Variants in FAT3 observed in about 807,000 individuals in gnomAD.
FAT3 encodes the protein FAT atypical cadherin 3, also known as protocadherin Fat 3.
A neutral mutation model predicts 310.2 loss-of-function variants in FAT3; 95 were observed. That is an observed-to-expected ratio of 0.31 (90% CI 0.26 to 0.36). The LOEUF is 0.36. Among genes scored for constraint, FAT3 ranks in the 10% least tolerant of loss-of-function variants. The pLI is 1.00. For synonymous variants in FAT3, 2,314 were observed against 2,192.9 expected (o/e 1.06, Z -1.54); for missense variants, 5,408 against 5,715.6 (o/e 0.95, Z 1.74).
intron 3 of FAT3, among the ~76,000 whole-genome samples, chr11:92,693,438 A>T (rs1943851404): frequency 6.6e-6 from 1 of 152,154 alleles, no homozygotes; most frequent in Non-Finnish European, 1.5e-5. Flanking sequence ...GTGGTTGAGG[A>T]GGGAGGTTGC....
In FAT3 at chr11:92,801,506, CA is replaced by C; in HGVS notation, c.8496del (p.Lys2832AsnfsTer5). Reference protein sequence around the residue: ...IIMEGMPVGTKLTQVRAIDMD... With the variant: ...IIMEGMPVGTXLTQVRAIDMD... ...TAATGGAAGGGATGCCTGTTGGCAC[CA>C]AACTCACACAAGTGAGAGCTATTGA... On this transcript the variant is annotated frameshift_variant, in exon 10 of 28. Coordinates refer to ENST00000525166, the MANE Select transcript of FAT3 (RefSeq NM_001367949.2). LOFTEE classifies it high-confidence loss of function. 1 of 1,611,356 alleles carries C rather than the reference CA, an allele frequency of 6.2e-7. No homozygotes were observed. Among genetic ancestry groups the C allele is most frequent in the Non-Finnish European group, 8.5e-7 (1 of 1,178,616 alleles).
chr11:92,340,318 G>A (rs1948214769), intron 1 of FAT3, among the ~76,000 whole-genome samples: 1 of 152,026 alleles, frequency 6.6e-6, no homozygotes, highest in Admixed American at 6.5e-5. Flanking sequence ...GGAGATGTCA[G>A]ACTGGTAAGC....
At chr11:92,639,690 G>C (rs774011006) in intron 3 of FAT3, among the ~76,000 whole-genome samples, 5 of 152,146 alleles carry the variant, frequency 3.3e-5, no homozygotes, top group African/African-American at 1.2e-4. Context: ...TATTTGAGGG[G>C]CCTGCTGGTT....
intron 4 of FAT3, among the ~76,000 whole-genome samples, chr11:92,720,283 A>C (rs886376276): frequency 6.6e-6 from 1 of 152,214 alleles, no homozygotes; most frequent in African/African-American, 2.4e-5. Context: ...AATATCTTTG[A>C]ATCTCTGGGA....
At chr11:92,348,054 A>C (rs181529798) in intron 1 of FAT3, among the ~76,000 whole-genome samples, 6 of 152,284 alleles carry the variant, frequency 3.9e-5, no homozygotes, top group African/African-American at 1.2e-4. Context: ...ATTTTACAAC[A>C]TTCCTAGCTT....
Position 92,550,598 on chromosome 11 carries a change from A to G in FAT3, c.3607+25650A>G, listed in dbSNP as rs140521178. On this transcript the variant is annotated intron_variant, in intron 3 of 27. Transcript: ENST00000525166. Reference sequence around the variant, plus strand: ...TAGCCTCTCTGCAGAGTCCCCTGCTAAGACAGTCATTCACAAACAATAGGT... The same window carrying G: ...TAGCCTCTCTGCAGAGTCCCCTGCTGAGACAGTCATTCACAAACAATAGGT... 7.8e-4 allele frequency among the ~76,000 whole-genome samples: 119 copies of G among 152,184 alleles called. 1 individual carries two copies. Among genetic ancestry groups the G allele is most frequent in the African/African-American group, 2.7e-3 (114 of 41,530 alleles).
chr11:92,806,633 G>A, intron 12 of FAT3, 118 bp downstream of exon 12: 3 of 855,104 alleles, frequency 3.5e-6, no homozygotes, highest in Non-Finnish European at 5.2e-6. Context: ...TAGGGATGGA[G>A]GGAAATTTTC....
intron 1 of FAT3, among the ~76,000 whole-genome samples, chr11:92,351,642 A>T (rs1301672407): frequency 1.3e-5 from 2 of 150,166 alleles, no homozygotes. Flanking sequence ...TCAGTCCTCT[A>T]TTGATAGGCA....
Position 92,524,684 on chromosome 11 carries a change from T to C in FAT3, c.3343T>C (p.Trp1115Arg). 3.7e-6 allele frequency: 6 copies of C among 1,613,914 alleles called. No homozygotes were observed. Among genetic ancestry groups the C allele is most frequent in the Non-Finnish European group, 2.5e-6 (3 of 1,179,834 alleles). ...TGATCGGGAGACAATGGGGTCATAC[T>C]GGCTAACAGTGTATGCCACAGACAG... ...ILDRETMGSY[W>R]LTVYATDRGV... The change falls in exon 3 of 28, where the codon TGG (tryptophan) becomes CGG (arginine). Residue 1115 changes from tryptophan (W) to arginine (R), a missense_variant. Transcript: ENST00000525166.
Position 92,857,274 on chromosome 11 carries a change from A to G in FAT3, c.11426A>G (p.Gln3809Arg). 6.2e-7 allele frequency: 1 copy of G among 1,613,914 alleles called. No individual in the cohort carries two copies. Residue 3809 changes from glutamine to arginine, a missense_variant, in exon 20 of 28, where the codon CAG becomes CGG. Physicochemically the swap from Gln to Arg is conservative, Grantham distance 43. This residue lies in a region of FAT3 where 4,588 missense variants were observed against 4,809.8 expected (regional missense o/e 0.95). Coordinates refer to ENST00000525166, the MANE Select transcript of FAT3 (RefSeq NM_001367949.2). ...CVEKPCPGDM[Q>R]CVSYEASRRP... ...GAGAAGCCGTGTCCAGGGGACATGCAGTGTGTCAGTTATGAAGCCAGCAGG... is the reference window on the plus strand; with the variant it reads ...GAGAAGCCGTGTCCAGGGGACATGCGGTGTGTCAGTTATGAAGCCAGCAGG...
At chr11:92,789,801 G>A in intron 7 of FAT3, 142 bp from the exon 8 acceptor site, 2 of 738,232 alleles carry the variant, frequency 2.7e-6, no homozygotes, top group East Asian at 2.7e-5. Context: ...GTTTTTATTA[G>A]TGAGTTTCCT....
At position 92,697,427 on chromosome 11, in the gene FAT3, G is replaced by T. The variant is rs2135907141; in HGVS notation, c.3651G>T (p.Gln1217His). ...CAAGGAAATTGGATCGAGAACAGCA[G>T]GCAGAACATTTTCTGGAGGTAAGCG... ...TTSRKLDREQ[Q>H]AEHFLEVTVT... The change falls in exon 4 of 28, where the codon CAG becomes CAT. Residue 1217 changes from glutamine (Q) to histidine (H), a missense_variant. Gln to His is a conservative substitution (Grantham distance 24). Around this residue, in one of 5 missense-constraint regions of FAT3, gnomAD observed 4,588 missense variants for 4,809.8 expected, o/e 0.95. Coordinates refer to ENST00000525166, the MANE Select transcript of FAT3 (RefSeq NM_001367949.2). 1 of 1,613,812 alleles carries T rather than the reference G, an allele frequency of 6.2e-7. No individual in the cohort carries two copies. Among genetic ancestry groups the T allele is most frequent in the South Asian group, 1.1e-5 (1 of 91,074 alleles).
chr11:92,315,498 TATATATATATATATAG>T (rs1181480742), intron 1 of FAT3, among the ~76,000 whole-genome samples: 13 of 92,102 alleles, frequency 1.4e-4, no homozygotes, highest in South Asian at 4.5e-4. Context: ...TATATATATA[TATATATATATATATAG>T]AGAGAGAGAG....
At chr11:92,451,935 C>T (rs781655767) in intron 2 of FAT3, among the ~76,000 whole-genome samples, 14 of 152,134 alleles carry the variant, frequency 9.2e-5, no homozygotes, top group Non-Finnish European at 1.6e-4. Context: ...AAGTGCAATG[C>T]ATGTTTTTGA....
At chr11:92,269,231 T>A (rs150448921) in intron 1 of FAT3, among the ~76,000 whole-genome samples, 3 of 151,084 alleles carry the variant, frequency 2.0e-5, no homozygotes, top group Non-Finnish European at 4.4e-5. Context: ...AGAAATGCCA[T>A]AGAAGCTGAG....
At chr11:92,540,770 GTTTTGTTTT>G (rs776152704) in intron 3 of FAT3, among the ~76,000 whole-genome samples, 1,211 of 105,162 alleles carry the variant, frequency 0.012, 7 homozygotes, top group Non-Finnish European at 0.016. Context: ...GTTTTGTTTT[GTTTTGTTTT>G]TTTTGACACA....
intron 3 of FAT3, among the ~76,000 whole-genome samples, chr11:92,684,079 C>G (rs1444070910): frequency 2.0e-5 from 3 of 152,156 alleles, no homozygotes; most frequent in Non-Finnish European, 4.4e-5. Flanking sequence ...GTTTAAAAAT[C>G]CACTCTCAGG....
At chr11:92,563,357 C>A (rs1490666387) in intron 3 of FAT3, among the ~76,000 whole-genome samples, 1 of 152,142 alleles carries the variant, frequency 6.6e-6, no homozygotes, top group African/African-American at 2.4e-5. Flanking sequence ...ACTTTTTGAT[C>A]ATGTACTCTT....
intron 13 of FAT3, among the ~76,000 whole-genome samples, chr11:92,810,808 A>T (rs979588454): frequency 2.6e-5 from 4 of 152,146 alleles, no homozygotes; most frequent in Non-Finnish European, 2.9e-5. Flanking sequence ...TGCATGATGG[A>T]ATATAAATAC....
Sources: gnomAD v4.1 joint callset for allele counts (sites outside exome capture counted in the v4.1 genomes callset) on GRCh38, gnomAD v4.1.1 for gene constraint, gnomAD v4.1.1 regional missense constraint, MANE v1.5 for transcripts, NCBI Gene and HGNC (gene_info 2026-07-23, HGNC 2026-07-21) for gene names.